Variants in PCDHGA3 observed in about 807,000 individuals in gnomAD.
The protein encoded by PCDHGA3 is protocadherin gamma subfamily A, 3.
A neutral mutation model predicts 58.5 loss-of-function variants in PCDHGA3; 40 were observed. The ratio of observed to expected loss-of-function variants is 0.68; its 90% CI spans 0.53 to 0.89. The LOEUF is 0.89. PCDHGA3 is among the 40% of genes least tolerant of loss of function. The pLI, the probability that PCDHGA3 is intolerant of heterozygous loss-of-function variation, is 0.00. For synonymous variants in PCDHGA3, 530 were observed against 525.7 expected, an observed-to-expected ratio of 1.01 and a Z score of -0.11; for missense variants, 1,223 against 1,195.9, an observed-to-expected ratio of 1.02 and a Z score of -0.33.
At position 141,345,141 on chromosome 5, in the gene PCDHGA3, G is replaced by T; in HGVS notation, c.1108G>T (p.Asp370Tyr). The change falls in exon 1 of 4, where the codon GAC (aspartate) becomes TAC (tyrosine). Residue 370 changes from aspartate (D) to tyrosine (Y), a missense_variant. Transcript: ENST00000253812. ...GTVGREIALI[D>Y]VHDRDSGQNG... Reference sequence around the variant, plus strand: ...CGTTGGAAGAGAAATTGCTCTTATCGACGTGCATGACCGAGATTCTGGGCA... The same window carrying T: ...CGTTGGAAGAGAAATTGCTCTTATCTACGTGCATGACCGAGATTCTGGGCA... The T allele has an allele frequency of 6.2e-7, 1 of 1,613,954 alleles. No homozygotes were observed. The highest frequency in any genetic ancestry group is 8.5e-7 in the Non-Finnish European group (1 of 1,179,870).
intron 3 of PCDHGA3, among the ~76,000 whole-genome samples, chr5:141,510,194 G>T (rs920127442): frequency 6.6e-6 from 1 of 151,462 alleles, no homozygotes. Context: ...AATCACTTGA[G>T]CCCAGGAGGC....
chr5:141,376,282 G>C (rs755455760), intron 1 of PCDHGA3: 10 of 1,614,096 alleles, frequency 6.2e-6, no homozygotes, highest in Non-Finnish European at 7.6e-6. Flanking sequence ...GTGGCTTAGC[G>C]AGCATGCCCG....
intron 1 of PCDHGA3, chr5:141,355,721 C>CA: frequency 6.2e-7 from 1 of 1,614,008 alleles, no homozygotes; most frequent in Non-Finnish European, 8.5e-7. Context: ...CAGCTCAACT[C>CA]AAACGGTTAC....
Position 141,400,574 on chromosome 5 carries a change from T to A in PCDHGA3, c.2424+54117T>A, listed in dbSNP as rs1589419530. On this transcript the variant is annotated intron_variant, in intron 1 of 3. Transcript: ENST00000253812. ...TTTTCATTACCCACCCAATTTTCTG[T>A]ATTTACATGAAACTATCGTACATTT... 3 of 1,612,232 alleles carry A rather than the reference T, an allele frequency of 1.9e-6. No individual in the cohort carries two copies. In the Middle Eastern group the frequency reaches 4.9e-4, roughly 266 times the overall value.
At position 141,432,432 on chromosome 5, in the gene PCDHGA3, A is replaced by G. The variant is rs1431760497; in HGVS notation, c.2425-62375A>G. On this transcript the variant is annotated intron_variant, in intron 1 of 3. Transcript: ENST00000253812. This position sits in a 1 kb window ranked among gnomAD's most constrained non-coding sequence, Gnocchi z 6.0. ...CTGTTCGTGCTGGACCAGAACGACA[A>G]TGCGCCCGAGATCCTGTACCCCGCC... The G allele has an allele frequency of 2.5e-6, 4 of 1,614,156 alleles. No homozygotes were observed. Among genetic ancestry groups the G allele is most frequent in the Non-Finnish European group, 3.4e-6 (4 of 1,180,028 alleles).
intron 1 of PCDHGA3, chr5:141,404,393 A>G: frequency 6.2e-7 from 1 of 1,613,962 alleles, no homozygotes; most frequent in Non-Finnish European, 8.5e-7. Flanking sequence ...TGACCCTGAT[A>G]GCAATGAGAA....
intron 1 of PCDHGA3, chr5:141,423,251 A>T: frequency 6.2e-7 from 1 of 1,613,844 alleles, no homozygotes; most frequent in East Asian, 2.2e-5. Context: ...GTCCTGGCGG[A>T]CCTCGGCAGC....
intron 1 of PCDHGA3, chr5:141,427,677 C>T: frequency 1.2e-6 from 1 of 816,672 alleles, no homozygotes; most frequent in Non-Finnish European, 2.1e-6. Flanking sequence ...AAACAACCTT[C>T]CCGGAGCCTC....
At chr5:141,500,887 T>C (rs557735403) in intron 2 of PCDHGA3, among the ~76,000 whole-genome samples, 1 of 95,622 alleles carries the variant, frequency 1.0e-5, no homozygotes, top group South Asian at 2.8e-4. Context: ...ATTTTTTTTT[T>C]TTGAGACAGT....
chr5:141,487,386 G>C lies in PCDHGA3; in HGVS notation c.2425-7421G>C. On this transcript the variant is annotated intron_variant, in intron 1 of 3. Coordinates refer to ENST00000253812, the MANE Select transcript of PCDHGA3 (RefSeq NM_018916.4). The surrounding 1 kb of genome is among the most constrained non-coding windows in gnomAD (Gnocchi z 5.0). Reference sequence around the variant, plus strand: ...ACCTGTGCCTGTCTCACCAGATCTCGAAGGAGGGAGGGGCTTCCCCCTTCC... The same window carrying C: ...ACCTGTGCCTGTCTCACCAGATCTCCAAGGAGGGAGGGGCTTCCCCCTTCC... The C allele has an allele frequency of 1.2e-6, 2 of 1,614,164 alleles. No homozygotes were observed. Among genetic ancestry groups the C allele is most frequent in the South Asian group, 1.1e-5 (1 of 91,084 alleles).
Position 141,476,876 on chromosome 5 carries a change from C to A in PCDHGA3, c.2425-17931C>A, listed in dbSNP as rs1201654822. 1.2e-6 allele frequency: 2 copies of A among 1,613,994 alleles called. No individual in the cohort carries two copies. Among genetic ancestry groups the A allele is most frequent in the Non-Finnish European group, 1.7e-6 (2 of 1,180,048 alleles). ...CCAGTCCTTGTACCGGGCGCGCGTC[C>A]TGGAGGATGCACCCTCCGGCACGCG... On this transcript the variant is annotated intron_variant, in intron 1 of 3. Transcript: ENST00000253812. The surrounding 1 kb of genome is among the most constrained non-coding windows in gnomAD (Gnocchi z 7.6).
Position 141,490,226 on chromosome 5 carries a change from C to T in PCDHGA3, c.2425-4581C>T. On this transcript the variant is annotated intron_variant, in intron 1 of 3. Coordinates refer to ENST00000253812, the MANE Select transcript of PCDHGA3 (RefSeq NM_018916.4). This position sits in a 1 kb window ranked among gnomAD's most constrained non-coding sequence, Gnocchi z 5.4. ...AGAGCCCGTGACCAGGGACAGCCTG[C>T]CATGGAGGGCCACTGTGTGATTCAA... The T allele has an allele frequency of 6.2e-7, 1 of 1,614,168 alleles. No homozygotes were observed. Among genetic ancestry groups the T allele is most frequent in the Non-Finnish European group, 8.5e-7 (1 of 1,180,020 alleles).
At position 141,463,796 on chromosome 5, in the gene PCDHGA3, G is replaced by A. The variant is rs139760353; in HGVS notation, c.2425-31011G>A. ...ATCCTGCACTGTCTTTTGAACAAAT[G>A]TCTAAAAGCTTTTATCACACATTTT... On this transcript the variant is annotated intron_variant, in intron 1 of 3. Coordinates refer to ENST00000253812, the MANE Select transcript of PCDHGA3 (RefSeq NM_018916.4). Among the ~76,000 whole-genome samples, 155 of 152,232 alleles carry A rather than the reference G, an allele frequency of 1.0e-3. 1 individual carries two copies. The highest frequency in any genetic ancestry group is 3.4e-3 in the African/African-American group (140 of 41,538).
intron 1 of PCDHGA3, chr5:141,415,762 T>TTTTG: frequency 2.1e-6 from 3 of 1,399,986 alleles, no homozygotes; most frequent in Non-Finnish European, 2.8e-6. Flanking sequence ...TTTTTTTTTT[T>TTTTG]TTTTTTTTTT....
intron 1 of PCDHGA3, chr5:141,357,164 C>T (rs776850117): frequency 1.6e-5 from 26 of 1,613,508 alleles, no homozygotes; most frequent in East Asian, 1.1e-4. Flanking sequence ...CCCCCTCTCT[C>T]GGCCACCGTC....
chr5:141,351,013 CG>C (rs1758619195), intron 1 of PCDHGA3: 2 of 1,613,944 alleles, frequency 1.2e-6, no homozygotes, highest in Admixed American at 1.7e-5. Flanking sequence ...TCCAAGAAAA[CG>C]TACCGTGGGG....
At chr5:141,357,440 G>A (rs939127168) in intron 1 of PCDHGA3, 6 of 1,614,198 alleles carry the variant, frequency 3.7e-6, no homozygotes, top group South Asian at 1.1e-5. Context: ...GACGGGGTTC[G>A]GGCTTTCCTG....
intron 1 of PCDHGA3, chr5:141,388,282 T>A: frequency 6.2e-7 from 1 of 1,613,222 alleles, no homozygotes; most frequent in South Asian, 1.1e-5. Context: ...ACGCCAAAAT[T>A]CACGCAAAAT....
At chr5:141,428,188 G>T in intron 1 of PCDHGA3, 1 of 1,433,356 alleles carries the variant, frequency 7.0e-7, no homozygotes. Flanking sequence ...GACAGCCGCC[G>T]CTCTCTGCGC....
Sources: gnomAD v4.1 joint callset for allele counts (sites outside exome capture counted in the v4.1 genomes callset) on GRCh38, gnomAD v4.1.1 for gene constraint, Gnocchi (gnomAD v3.1) non-coding constraint, MANE v1.5 for transcripts, NCBI Gene and HGNC (gene_info 2026-07-23, HGNC 2026-07-21) for gene names.